The following LAMB1 variants were observed in gnomAD, a reference collection of about 807,000 sequenced individuals.
LAMB1 encodes laminin subunit beta-1.
A neutral mutation model predicts 222.3 loss-of-function variants in LAMB1; 121 were observed. That is an observed-to-expected ratio of 0.54 (90% CI 0.47 to 0.63). The LOEUF (loss-of-function observed/expected upper bound fraction) is 0.63, where lower values mean the gene tolerates loss of function less well. LAMB1 is among the 30% of genes least tolerant of loss of function. The pLI is 0.00. For missense variants in LAMB1, 2,172 were observed against 2,240.8 expected, an observed-to-expected ratio of 0.97 and a Z score of 0.62; for synonymous variants, 794 against 807.2, an observed-to-expected ratio of 0.98 and a Z score of 0.28.
At chr7:107,941,518 C>T (rs563185008) in intron 24 of LAMB1, among the ~76,000 whole-genome samples, 1 of 152,290 alleles carries the variant, frequency 6.6e-6, no homozygotes, top group East Asian at 1.9e-4. Flanking sequence ...AGAATCCAAA[C>T]GTCTTTGCCA....
At chr7:107,929,010 G>C in intron 31 of LAMB1, 54 bp downstream of exon 31, 1 of 1,523,814 alleles carries the variant, frequency 6.6e-7, no homozygotes, top group Non-Finnish European at 9.1e-7. Flanking sequence ...GTACTTTTCT[G>C]GTAAGTGTAT....
At chr7:107,938,006 T>G (rs1433010416) in intron 25 of LAMB1, among the ~76,000 whole-genome samples, 1 of 152,112 alleles carries the variant, frequency 6.6e-6, no homozygotes, top group Non-Finnish European at 1.5e-5. Context: ...TGGATATGGG[T>G]GTGTGTGTGC....
chr7:107,965,141 C>T (rs1029237108), intron 13 of LAMB1, among the ~76,000 whole-genome samples: 7 of 152,320 alleles, frequency 4.6e-5, no homozygotes, highest in African/African-American at 1.7e-4. Flanking sequence ...GGCACTACCA[C>T]CTGCTGAGTC....
At chr7:107,947,703 G>A (rs932416118) in intron 24 of LAMB1, among the ~76,000 whole-genome samples, 22 of 152,140 alleles carry the variant, frequency 1.4e-4, no homozygotes, top group African/African-American at 5.3e-4. Flanking sequence ...TGCTTTGTAG[G>A]TTATGAGCTT....
Position 107,975,323 on chromosome 7 carries a change from C to G in LAMB1, c.1280G>C (p.Arg427Pro), listed in dbSNP as rs371384158. ...FSTGLIAGQC[R>P]CKLNVEGEHC... is the part of the protein sequence containing the mutation. ...TTCTCCTTCCACATTTAATTTACAC[C>G]GACACTGGCCAGCAATGAGACCAGT... Residue 427 changes from arginine (R) to proline (P), a missense_variant, in exon 11 of 34, where the codon CGG becomes CCG. Physicochemically the swap from Arg to Pro is moderately radical, Grantham distance 103. Coordinates refer to ENST00000222399, the MANE Select transcript of LAMB1 (RefSeq NM_002291.3). 4.3e-6 allele frequency: 7 copies of G among 1,613,674 alleles called. No individual in the cohort carries two copies. Among genetic ancestry groups the G allele is most frequent in the Middle Eastern group, 1.6e-4 (1 of 6,084 alleles).
intron 26 of LAMB1, chr7:107,936,283 A>G (rs1041128497): frequency 6.6e-6 from 1 of 152,362 alleles, no homozygotes; most frequent in African/African-American, 2.4e-5. Context: ...GTTCACCTCT[A>G]TAATCTCAGC....
chr7:107,945,831 G>A (rs10267991), intron 24 of LAMB1, among the ~76,000 whole-genome samples: 1 of 152,306 alleles, frequency 6.6e-6, no homozygotes, highest in East Asian at 1.9e-4. Flanking sequence ...ATGGCCACTA[G>A]AGCTAATCTT....
intron 24 of LAMB1, among the ~76,000 whole-genome samples, chr7:107,947,339 T>C (rs1377045489): frequency 6.6e-6 from 1 of 152,244 alleles, no homozygotes; most frequent in Non-Finnish European, 1.5e-5. Context: ...TCTAAATTTA[T>C]GCCCTCTAAC....
chr7:107,938,505 A>G (rs1286197936), intron 25 of LAMB1, among the ~76,000 whole-genome samples: 1 of 152,182 alleles, frequency 6.6e-6, no homozygotes, highest in South Asian at 2.1e-4. Flanking sequence ...AGTATGTTGA[A>G]AAAAAAGAGT....
chr7:107,944,452 T>C (rs545150442), intron 24 of LAMB1, among the ~76,000 whole-genome samples: 6 of 152,248 alleles, frequency 3.9e-5, no homozygotes, highest in Admixed American at 3.9e-4. Flanking sequence ...CCAACATTCC[T>C]TTCTCCCACC....
chr7:107,955,870 C>A (rs563066308), intron 20 of LAMB1, among the ~76,000 whole-genome samples: 72 of 150,848 alleles, frequency 4.8e-4, no homozygotes, highest in Non-Finnish European at 8.9e-4. Flanking sequence ...GTAGCTGGGA[C>A]TACAGGCACA....
rs970764027 is a variant in LAMB1, at chr7:107,964,598, G to T, written c.1652C>A (p.Thr551Asn). 1.2e-6 allele frequency: 2 copies of T among 1,614,160 alleles called. No individual in the cohort carries two copies. The highest frequency in any genetic ancestry group is 1.7e-5 in the Admixed American group (1 of 60,020). Residue 551 changes from threonine (T) to asparagine (N), a missense_variant, in exon 14 of 34, where the codon ACC becomes AAC. Transcript: ENST00000222399. ...NEVEPGYYFA[T>N]LDHYLYEAEE... ...CGCTTCATAGAGGTAGTGATCCAGG[G>T]TGGCAAAGTAGTAACCAGGTTCCAC... is the stretch of plus-strand genomic sequence containing the variant.
chr7:107,988,273 G>A (rs748689909), intron 5 of LAMB1, among the ~76,000 whole-genome samples: 55 of 152,350 alleles, frequency 3.6e-4, no homozygotes, highest in Admixed American at 7.2e-4. Context: ...AGGCGTGAAA[G>A]CATTTGGTTG....
At position 107,960,645 on chromosome 7, in the gene LAMB1, A is replaced by C; in HGVS notation, c.2114T>G (p.Val705Gly). 6.2e-7 allele frequency: 1 copy of C among 1,614,056 alleles called. No individual in the cohort carries two copies. Among genetic ancestry groups the C allele is most frequent in the Middle Eastern group, 1.7e-4 (1 of 6,060 alleles). Residue 705 changes from valine to glycine, a missense_variant, in exon 18 of 34, where the codon GTT (valine) becomes GGT (glycine). Coordinates refer to ENST00000222399, the MANE Select transcript of LAMB1 (RefSeq NM_002291.3). ...CAGTGATTTACAGTATGGCATGAGA[A>C]CAAGCTGTGAAGAAATGAGAACGGC... ...ESPYTLIDSLVLMPYCKSLDI... is the reference protein window; with the variant it reads ...ESPYTLIDSLGLMPYCKSLDI...
At chr7:107,948,948 A>G (rs1017277848) in intron 24 of LAMB1, among the ~76,000 whole-genome samples, 1 of 152,270 alleles carries the variant, frequency 6.6e-6, no homozygotes, top group Non-Finnish European at 1.5e-5. Flanking sequence ...AAAAAGGAAC[A>G]GACATATCCA....
chr7:107,987,586 C>T lies in LAMB1; in HGVS notation c.424-1223G>A, dbSNP rs115037883. ...CACGATCTCAGTTCAATGCATCCTC[C>T]GCCTCCTGGGTTCAAACAATTCTTC... On this transcript the variant is annotated intron_variant, in intron 5 of 33. Coordinates refer to ENST00000222399, the MANE Select transcript of LAMB1 (RefSeq NM_002291.3). Among the ~76,000 whole-genome samples, 558 of 152,270 alleles carry T rather than the reference C, an allele frequency of 3.7e-3. 8 individuals are homozygous for T. Among genetic ancestry groups the T allele is most frequent in the African/African-American group, 0.013 (528 of 41,546 alleles).
At chr7:107,987,806 C>G (rs2034107750) in intron 5 of LAMB1, among the ~76,000 whole-genome samples, 1 of 152,148 alleles carries the variant, frequency 6.6e-6, no homozygotes, top group East Asian at 1.9e-4. Flanking sequence ...CTGGGCCAAA[C>G]TGGATCTTAA....
chr7:107,972,667 T>C (rs921481123), intron 13 of LAMB1, among the ~76,000 whole-genome samples: 8 of 152,014 alleles, frequency 5.3e-5, no homozygotes, highest in Non-Finnish European at 8.8e-5. Context: ...TGTGCTTAGA[T>C]TGTTGAAAAA....
intron 20 of LAMB1, among the ~76,000 whole-genome samples, chr7:107,958,516 A>G (rs2033423991): frequency 6.6e-6 from 1 of 152,252 alleles, no homozygotes; most frequent in Non-Finnish European, 1.5e-5. Flanking sequence ...TATCTTCGAT[A>G]GGGCGAATGG....
Sources: allele counts gnomAD v4.1 joint callset (sites outside exome capture counted in the v4.1 genomes callset), GRCh38; gene constraint gnomAD v4.1.1; transcripts MANE v1.5; gene names NCBI Gene and HGNC (gene_info 2026-07-23, HGNC 2026-07-21).